The following GRM5 variants were observed in gnomAD, a reference collection of about 807,000 sequenced individuals.
The protein encoded by GRM5 is glutamate metabotropic receptor 5, also known as metabotropic glutamate receptor 5.
Under a neutral mutation model 83.1 loss-of-function variants are expected in GRM5, and 19 were observed. The observed-to-expected ratio is 0.23, with a 90% confidence interval of 0.16 to 0.34. The LOEUF is 0.34. Ranked by LOEUF, GRM5 falls within the 10% of genes least tolerant of loss-of-function variation. The probability of loss-of-function intolerance (pLI) is 1.00; values close to 1 mark genes in which losing one functional copy is unlikely to be tolerated. For synonymous variants in GRM5, 675 were observed against 633.6 expected, an observed-to-expected ratio of 1.07 and a Z score of -0.98; for missense variants, 1,160 against 1,588.3, an observed-to-expected ratio of 0.73 and a Z score of 4.58.
chr11:88,875,001 A>G (rs1162286587), intron 2 of GRM5, among the ~76,000 whole-genome samples: 3 of 151,704 alleles, frequency 2.0e-5, no homozygotes, highest in Non-Finnish European at 2.9e-5. Flanking sequence ...CTACTGATTG[A>G]TCAGGGCGGT....
In GRM5 at chr11:88,567,965, A is replaced by C; in HGVS notation, c.1718T>G (p.Leu573Arg). 1.9e-6 allele frequency: 3 copies of C among 1,613,600 alleles called. No individual in the cohort carries two copies. The highest frequency in any genetic ancestry group is 1.1e-5 in the South Asian group (1 of 91,036). The change falls in exon 8 of 10, where the codon CTT becomes CGT. Residue 573 changes from leucine (L) to arginine (R), a missense_variant. By Grantham distance (102) the Leu-to-Arg change is moderately radical (BLOSUM62 -2). Transcript: ENST00000305447. The surrounding 1 kb of genome is among the most constrained non-coding windows in gnomAD (Gnocchi z 7.3). The part of the protein sequence containing the change: ...TGCDLIPVQY[L>R]RWGDPEPIAA... Reference sequence around the variant, plus strand: ...AATGGGTTCAGGGTCACCCCATCGAAGATACTGTACTGGGATCAAGTCACA... The same window carrying C: ...AATGGGTTCAGGGTCACCCCATCGACGATACTGTACTGGGATCAAGTCACA...
In GRM5 at chr11:89,030,144, G is replaced by A. The variant is rs117683328; in HGVS notation, c.661+17068C>T. 4.2e-3 allele frequency among the ~76,000 whole-genome samples: 634 copies of A among 152,118 alleles called. 10 individuals are homozygous for A. The East Asian group carries it at 0.045, about 11-fold the overall frequency. ...ATGACAACGGGTGCAATTATGAAACGTATTTTTTTGATCAGCTGACCCTAA... is the reference window on the plus strand; with the variant it reads ...ATGACAACGGGTGCAATTATGAAACATATTTTTTTGATCAGCTGACCCTAA... On this transcript the variant is annotated intron_variant, in intron 2 of 9. Coordinates refer to ENST00000305447, the MANE Select transcript of GRM5 (RefSeq NM_001143831.3).
chr11:88,762,297 A>T (rs1942538075), intron 3 of GRM5, among the ~76,000 whole-genome samples: 1 of 152,120 alleles, frequency 6.6e-6, no homozygotes, highest in South Asian at 2.1e-4. Context: ...CATCTGACAA[A>T]GGTCTAATAT....
intron 8 of GRM5, among the ~76,000 whole-genome samples, chr11:88,564,327 C>T (rs1452935387): frequency 6.6e-6 from 1 of 152,136 alleles, no homozygotes; most frequent in Non-Finnish European, 1.5e-5. Flanking sequence ...AATATTGCAA[C>T]AAAAATCTTT....
intron 4 of GRM5, among the ~76,000 whole-genome samples, chr11:88,630,550 CACACACACACACACACACACACAA>C (rs71046253): frequency 0.35 from 17,951 of 51,020 alleles, 1,388 homozygotes; most frequent in Non-Finnish European, 0.43. Flanking sequence ...CACACACACA[CACACACACACACACACACACACAA>C]ACACACACAC....
chr11:88,878,118 CA>C (rs1305223050), intron 2 of GRM5, among the ~76,000 whole-genome samples: 3 of 152,202 alleles, frequency 2.0e-5, no homozygotes, highest in African/African-American at 7.2e-5. Flanking sequence ...AAAATCTACA[CA>C]AGGTTTATTT....
At chr11:88,760,844 A>G (rs951404496) in intron 3 of GRM5, among the ~76,000 whole-genome samples, 2 of 152,194 alleles carry the variant, frequency 1.3e-5, no homozygotes, top group Admixed American at 1.3e-4. Context: ...CAGCTCATCA[A>G]AAAGCTTATC....
intron 4 of GRM5, among the ~76,000 whole-genome samples, chr11:88,605,479 GC>G (rs1182274000): frequency 2.0e-5 from 3 of 150,838 alleles, no homozygotes; most frequent in Non-Finnish European, 4.4e-5. Context: ...CTATAAACTG[GC>G]CTATTTGAAA....
At chr11:88,747,869 A>G (rs1942176357) in intron 3 of GRM5, among the ~76,000 whole-genome samples, 3 of 152,172 alleles carry the variant, frequency 2.0e-5, no homozygotes, top group African/African-American at 7.2e-5. Flanking sequence ...GCCAATTAGA[A>G]GCAGCTGTGG....
chr11:88,720,455 G>A (rs577922027), intron 3 of GRM5, among the ~76,000 whole-genome samples: 1 of 152,002 alleles, frequency 6.6e-6, no homozygotes, highest in African/African-American at 2.4e-5. Flanking sequence ...CTTGAGATAG[G>A]AGTTGCCTGC....
At chr11:89,004,441 A>C (rs1206268471) in intron 2 of GRM5, among the ~76,000 whole-genome samples, 2 of 152,208 alleles carry the variant, frequency 1.3e-5, no homozygotes, top group Non-Finnish European at 2.9e-5. Context: ...AAAATCTCTT[A>C]TACTTGGATC....
chr11:88,998,383 T>TA (rs1365068058), intron 2 of GRM5, among the ~76,000 whole-genome samples: 13 of 152,200 alleles, frequency 8.5e-5, no homozygotes, highest in Non-Finnish European at 5.9e-5. Flanking sequence ...TTCATTGATT[T>TA]AAAAAACCCA....
intron 1 of GRM5, among the ~76,000 whole-genome samples, chr11:89,056,624 T>C (rs1260047693): frequency 1.3e-5 from 2 of 152,140 alleles, no homozygotes; most frequent in Non-Finnish European, 2.9e-5. Flanking sequence ...ATGGTGGGGA[T>C]AATATGTCAG....
In GRM5 at chr11:88,567,173, A is replaced by G. The variant is rs1942894877; in HGVS notation, c.2510T>C (p.Phe837Ser). 6.2e-7 allele frequency: 1 copy of G among 1,613,006 alleles called. No homozygotes were observed. Reference protein sequence around the residue: ...AKPERNVRSAFTTSTVVRMHV... With the variant: ...AKPERNVRSASTTSTVVRMHV... ...CATGCGCACCACGGTAGATGTGGTGAAGGCGCTGCGCACGTTTCTCTCTGG... is the reference window on the plus strand; with the variant it reads ...CATGCGCACCACGGTAGATGTGGTGGAGGCGCTGCGCACGTTTCTCTCTGG... The change falls in exon 8 of 10, where the codon TTC becomes TCC. Residue 837 changes from phenylalanine (F) to serine (S), a missense_variant. Physicochemically the swap from Phe to Ser is radical, Grantham distance 155. Transcript: ENST00000305447. The surrounding 1 kb of genome is among the most constrained non-coding windows in gnomAD (Gnocchi z 7.3).
chr11:88,902,165 TG>T (rs201833360), intron 2 of GRM5, among the ~76,000 whole-genome samples: 1 of 152,044 alleles, frequency 6.6e-6, no homozygotes, highest in African/African-American at 2.4e-5. Flanking sequence ...GTTTTTTTTT[TG>T]TTTGTTTGTT....
intron 2 of GRM5, among the ~76,000 whole-genome samples, chr11:89,046,348 G>T (rs1282807471): frequency 1.3e-5 from 2 of 151,942 alleles, no homozygotes; most frequent in Non-Finnish European, 2.9e-5. Flanking sequence ...ATCTTCTTCA[G>T]TATTCTATAG....
intron 2 of GRM5, among the ~76,000 whole-genome samples, chr11:88,894,012 G>C (rs1056866248): frequency 6.6e-6 from 1 of 152,084 alleles, no homozygotes; most frequent in East Asian, 1.9e-4. Context: ...TGCAGACATA[G>C]ACAAGCAAGC....
intron 2 of GRM5, among the ~76,000 whole-genome samples, chr11:88,951,823 G>C (rs766122265): frequency 5.9e-5 from 9 of 152,272 alleles, no homozygotes; most frequent in African/African-American, 2.2e-4. Context: ...TGGCATGGAT[G>C]TCTGTTTGCA....
intron 2 of GRM5, among the ~76,000 whole-genome samples, chr11:88,923,958 G>A (rs1199515835): frequency 6.7e-6 from 1 of 150,128 alleles, no homozygotes; most frequent in African/African-American, 2.4e-5. Flanking sequence ...AAAATTAAAG[G>A]GAAAAATAAA....
Sources: allele counts gnomAD v4.1 joint callset (sites outside exome capture counted in the v4.1 genomes callset), GRCh38; gene constraint gnomAD v4.1.1; non-coding constraint Gnocchi (gnomAD v3.1); transcripts MANE v1.5; gene names NCBI Gene and HGNC (gene_info 2026-07-23, HGNC 2026-07-21).